The following PPM1L variants were observed in gnomAD, a reference collection of about 807,000 sequenced individuals.
The protein encoded by PPM1L is protein phosphatase 1L.
In PPM1L, 13 loss-of-function variants were observed where a neutral mutation model predicts 31.4. The observed-to-expected ratio is 0.41, with a 90% CI of 0.27 to 0.66. The LOEUF is 0.66. Among genes scored for constraint, PPM1L ranks in the 30% least tolerant of loss-of-function variants. PPM1L has a pLI of 0.29. For missense variants in PPM1L, 326 were observed against 453.7 expected, an observed-to-expected ratio of 0.72 and a Z score of 2.56; for synonymous variants, 184 against 175.4, an observed-to-expected ratio of 1.05 and a Z score of -0.39.
intron 1 of PPM1L, among the ~76,000 whole-genome samples, chr3:160,944,732 T>C (rs908204571): frequency 1.9e-5 from 2 of 104,126 alleles, no homozygotes; most frequent in Non-Finnish European, 4.5e-5. Context: ...ATATATAACA[T>C]GTTATATATT....
At chr3:160,820,807 GT>G (rs941316693) in intron 1 of PPM1L, among the ~76,000 whole-genome samples, 3 of 151,908 alleles carry the variant, frequency 2.0e-5, no homozygotes, top group Non-Finnish European at 4.4e-5. Flanking sequence ...TGTTTTTAAT[GT>G]TTTGGCAATA....
intron 1 of PPM1L, among the ~76,000 whole-genome samples, chr3:160,897,922 CTG>C (rs975405754): frequency 1.3e-5 from 2 of 152,172 alleles, no homozygotes; most frequent in Non-Finnish European, 2.9e-5. Flanking sequence ...TTTTACAACT[CTG>C]TAATTTAACA....
chr3:161,040,395 C>G (rs1238978877), intron 2 of PPM1L, among the ~76,000 whole-genome samples: 1 of 152,148 alleles, frequency 6.6e-6, no homozygotes, highest in Non-Finnish European at 1.5e-5. Flanking sequence ...ACTGATATAA[C>G]ATGTGTACTT....
At position 161,069,583 on chromosome 3, in the gene PPM1L, C is replaced by A. The variant is rs146811377; in HGVS notation, c.*426C>A. On this transcript the variant is annotated 3_prime_UTR_variant, in exon 4 of 4. Coordinates refer to ENST00000498165, the MANE Select transcript of PPM1L (RefSeq NM_139245.4). ...CTGCAGGAGACAGGCCACTGCGTCA[C>A]CTGTGAGTGGTCAGGGGCTGATGTG... The A allele has an allele frequency of 7.0e-4, 117 of 167,970 alleles. No individual in the cohort carries two copies. Among genetic ancestry groups the A allele is most frequent in the African/African-American group, 2.4e-3 (101 of 41,772 alleles). The allele number at this position is 167,970 out of a possible 1,614,324, so 10.4% of individuals were successfully genotyped here. A position where few individuals can be genotyped will look rare whatever the true frequency, so the allele number is the denominator to read the frequency against.
At chr3:160,932,286 A>T (rs1714813554) in intron 1 of PPM1L, among the ~76,000 whole-genome samples, 1 of 152,206 alleles carries the variant, frequency 6.6e-6, no homozygotes, top group Non-Finnish European at 1.5e-5. Context: ...AATGCTTGGC[A>T]CCTCTTCAAG....
chr3:161,064,984 A>G (rs1169391476), intron 2 of PPM1L, among the ~76,000 whole-genome samples: 1 of 151,932 alleles, frequency 6.6e-6, no homozygotes, highest in African/African-American at 2.4e-5. Flanking sequence ...CCTCCTAGAA[A>G]TGAGGAGCCC....
chr3:160,819,491 CACT>C (rs1713126820), intron 1 of PPM1L, among the ~76,000 whole-genome samples: 1 of 151,940 alleles, frequency 6.6e-6, no homozygotes, highest in South Asian at 2.1e-4. Flanking sequence ...ATTTATTGAG[CACT>C]ATTTTGTCAT....
chr3:160,967,201 C>T (rs1716178707), intron 2 of PPM1L, among the ~76,000 whole-genome samples: 2 of 152,040 alleles, frequency 1.3e-5, no homozygotes, highest in Non-Finnish European at 2.9e-5. Context: ...GCTCCTCTTT[C>T]ACCTTCTGCT....
chr3:160,953,111 ACTC>A (rs1715625944), intron 1 of PPM1L, among the ~76,000 whole-genome samples: 1 of 152,022 alleles, frequency 6.6e-6, no homozygotes, highest in African/African-American at 2.4e-5. Context: ...TAAAATCTCA[ACTC>A]TTGGTTTTTC....
intron 2 of PPM1L, among the ~76,000 whole-genome samples, chr3:161,062,133 T>A (rs1018559803): frequency 2.7e-5 from 4 of 146,840 alleles, no homozygotes; most frequent in African/African-American, 1.0e-4. Flanking sequence ...TGTGTCTCTT[T>A]TAGTGGGGGG....
chr3:160,954,306 T>C (rs1210343868), intron 1 of PPM1L, among the ~76,000 whole-genome samples: 6 of 152,204 alleles, frequency 3.9e-5, no homozygotes, highest in African/African-American at 1.4e-4. Flanking sequence ...ACTAATGATA[T>C]ACATTAATTT....
At chr3:161,021,668 A>G (rs1718238388) in intron 2 of PPM1L, among the ~76,000 whole-genome samples, 1 of 151,720 alleles carries the variant, frequency 6.6e-6, no homozygotes, top group South Asian at 2.1e-4. Context: ...TTCCTCTTTA[A>G]TTCTGTTAGT....
chr3:160,776,604 CTTT>C (rs72051944), intron 1 of PPM1L, among the ~76,000 whole-genome samples: 16 of 132,908 alleles, frequency 1.2e-4, no homozygotes, highest in East Asian at 4.5e-4. Context: ...ACCTTGGTGC[CTTT>C]TTTTTTTTTT....
intron 1 of PPM1L, among the ~76,000 whole-genome samples, chr3:160,825,596 C>G (rs1713331834): frequency 6.6e-6 from 1 of 152,144 alleles, no homozygotes; most frequent in Admixed American, 6.5e-5. Flanking sequence ...TCCAAAGTCA[C>G]TAAGGGCAAC....
intron 1 of PPM1L, among the ~76,000 whole-genome samples, chr3:160,798,448 G>T (rs1036332429): frequency 1.3e-5 from 2 of 152,016 alleles, no homozygotes; most frequent in Admixed American, 1.3e-4. Flanking sequence ...ATGCTTATTT[G>T]CCATTTCAAA....
In PPM1L at chr3:161,069,335, G is replaced by A. The variant is rs1241524305; in HGVS notation, c.*178G>A. On this transcript the variant is annotated 3_prime_UTR_variant, in exon 4 of 4. Transcript: ENST00000498165. ...CGAACAGAGGGTGCCCTTGGCCAAT[G>A]TAGTTAAGAAACTGGAAAATGGTTT... The A allele has an allele frequency of 3.4e-6, 2 of 590,934 alleles. No homozygotes were observed. Among genetic ancestry groups the A allele is most frequent in the Non-Finnish European group, 5.9e-6 (2 of 339,506 alleles). 36.6% of individuals were successfully genotyped at this position (590,934 alleles called of 1,614,324 possible).
chr3:161,033,886 A>G (rs1048808226), intron 2 of PPM1L, among the ~76,000 whole-genome samples: 1 of 152,256 alleles, frequency 6.6e-6, no homozygotes, highest in African/African-American at 2.4e-5. Context: ...AAAAGGAACT[A>G]TCATCAGAGT....
At chr3:160,977,004 G>A (rs1576756913) in intron 2 of PPM1L, among the ~76,000 whole-genome samples, 1 of 152,014 alleles carries the variant, frequency 6.6e-6, no homozygotes, top group South Asian at 2.1e-4. Flanking sequence ...TTCTGTTGTG[G>A]GCATTTAGTG....
intron 1 of PPM1L, among the ~76,000 whole-genome samples, chr3:160,811,218 G>A (rs558198442): frequency 1.3e-5 from 2 of 152,246 alleles, no homozygotes; most frequent in African/African-American, 4.8e-5. Flanking sequence ...AGAATGGAAT[G>A]TATATGAAGT....
Sources: gnomAD v4.1 joint callset for allele counts (sites outside exome capture counted in the v4.1 genomes callset) on GRCh38, gnomAD v4.1.1 for gene constraint, MANE v1.5 for transcripts, NCBI Gene and HGNC (gene_info 2026-07-23, HGNC 2026-07-21) for gene names.